Variants in RAD51B observed in about 807,000 individuals in gnomAD.
RAD51B encodes DNA repair protein RAD51 homolog 2.
Under a neutral mutation model 42.2 loss-of-function variants are expected in RAD51B, and 38 were observed. The ratio of observed to expected loss-of-function variants is 0.90; its 90% CI spans 0.70 to 1.18. RAD51B has a LOEUF of 1.18. Ranked by LOEUF, RAD51B falls within the 50% of genes most tolerant of loss-of-function variation. The pLI, the probability that RAD51B is intolerant of heterozygous loss-of-function variation, is 0.00. For missense variants in RAD51B, 373 were observed against 400.7 expected, an observed-to-expected ratio of 0.93 and a Z score of 0.59; for synonymous variants, 154 against 145.2, an observed-to-expected ratio of 1.06 and a Z score of -0.43.
intron 7 of RAD51B, among the ~76,000 whole-genome samples, chr14:68,094,562 G>A (rs1200426566): frequency 6.6e-6 from 1 of 152,166 alleles, no homozygotes; most frequent in African/African-American, 2.4e-5. Flanking sequence ...TCCAAAGACA[G>A]ATGCCAGACA....
intron 7 of RAD51B, among the ~76,000 whole-genome samples, chr14:68,102,117 C>T (rs919133151): frequency 1.3e-5 from 2 of 152,186 alleles, no homozygotes; most frequent in African/African-American, 4.8e-5. Context: ...ACACAGGGCA[C>T]CATGTCCCAA....
intron 3 of RAD51B, among the ~76,000 whole-genome samples, chr14:67,831,519 G>A (rs1225428538): frequency 6.6e-6 from 1 of 152,022 alleles, no homozygotes; most frequent in Non-Finnish European, 1.5e-5. Flanking sequence ...CTTTTCTGAA[G>A]TTTTGTTCTG....
chr14:68,302,897 C>A (rs969768781), intron 8 of RAD51B, among the ~76,000 whole-genome samples: 1 of 152,210 alleles, frequency 6.6e-6, no homozygotes, highest in Non-Finnish European at 1.5e-5. Flanking sequence ...TTCCCATAAA[C>A]CCACAACCTT....
chr14:68,396,853 T>C (rs900052377), intron 8 of RAD51B, among the ~76,000 whole-genome samples: 2 of 152,190 alleles, frequency 1.3e-5, no homozygotes, highest in African/African-American at 2.4e-5. Flanking sequence ...GTAGTTTCCA[T>C]GCATTTTCCC....
At chr14:68,543,159 G>C (rs1203193938) in intron 10 of RAD51B, among the ~76,000 whole-genome samples, 1 of 152,142 alleles carries the variant, frequency 6.6e-6, no homozygotes, top group Non-Finnish European at 1.5e-5. Context: ...AACAGCCATA[G>C]GCAATATGTA....
intron 4 of RAD51B, among the ~76,000 whole-genome samples, chr14:67,860,624 G>C (rs1950765): frequency 6.6e-6 from 1 of 151,994 alleles, no homozygotes; most frequent in African/African-American, 2.4e-5. Flanking sequence ...TAATGTGTTT[G>C]ACTTACTTTG....
rs77116881 is a variant in RAD51B, at chr14:67,831,369, G to A, written c.199-3711G>A. 7.6e-3 allele frequency among the ~76,000 whole-genome samples: 1,152 copies of A among 152,268 alleles called. 10 individuals are homozygous for A. Among genetic ancestry groups the A allele is most frequent in the African/African-American group, 0.024 (1,016 of 41,554 alleles). On this transcript the variant is annotated intron_variant, in intron 3 of 10. Coordinates refer to ENST00000471583, the MANE Select transcript of RAD51B (RefSeq NM_133510.4). ...ACAGTAAGACGATAAGTGTACTTAA[G>A]CCTGAAACCTGAGTGATGCCAACAG...
At chr14:68,587,571 G>A (rs56402431) in intron 10 of RAD51B, among the ~76,000 whole-genome samples, 4,701 of 151,990 alleles carry the variant, frequency 0.031, 240 homozygotes, top group African/African-American at 0.1. Flanking sequence ...GGAAATTCCC[G>A]TCAGCTTGTG....
At chr14:68,260,311 GTGT>G (rs2080857898) in intron 7 of RAD51B, among the ~76,000 whole-genome samples, 1 of 146,422 alleles carries the variant, frequency 6.8e-6, no homozygotes, top group African/African-American at 2.7e-5. Context: ...GTGTGTGTGT[GTGT>G]GTGTGGAGAG....
At chr14:67,919,525 T>C (rs1038429910) in intron 7 of RAD51B, among the ~76,000 whole-genome samples, 2 of 152,198 alleles carry the variant, frequency 1.3e-5, no homozygotes, top group Non-Finnish European at 2.9e-5. Context: ...TATATTTACC[T>C]TTCCACGGTT....
intron 7 of RAD51B, among the ~76,000 whole-genome samples, chr14:68,168,922 T>G (rs1379047054): frequency 6.6e-6 from 1 of 152,166 alleles, no homozygotes; most frequent in Non-Finnish European, 1.5e-5. Flanking sequence ...GCAGGTCATG[T>G]TCAGCGAGTA....
intron 5 of RAD51B, among the ~76,000 whole-genome samples, chr14:67,866,180 A>G (rs2042331495): frequency 6.6e-6 from 1 of 152,228 alleles, no homozygotes. Flanking sequence ...TGGAAGGGGA[A>G]CCTTTGGATT....
At chr14:68,376,182 A>G (rs2083365917) in intron 8 of RAD51B, among the ~76,000 whole-genome samples, 1 of 152,154 alleles carries the variant, frequency 6.6e-6, no homozygotes, top group Non-Finnish European at 1.5e-5. Context: ...TACTGCAAGT[A>G]TTTTTCTCTG....
intron 11 of RAD51B, among the ~76,000 whole-genome samples, chr14:68,674,124 CACAT>C (rs2140157884): frequency 6.6e-6 from 1 of 152,174 alleles, no homozygotes; most frequent in East Asian, 1.9e-4. Context: ...CATGCATACA[CACAT>C]ACACACACAT....
At chr14:68,391,535 G>T (rs1272363301) in intron 8 of RAD51B, among the ~76,000 whole-genome samples, 2 of 152,120 alleles carry the variant, frequency 1.3e-5, no homozygotes, top group Non-Finnish European at 2.9e-5. Flanking sequence ...CAGAAAGAAG[G>T]TTCCACAAGG....
intron 7 of RAD51B, among the ~76,000 whole-genome samples, chr14:68,270,670 C>G (rs2081087243): frequency 3.9e-5 from 6 of 152,206 alleles, no homozygotes; most frequent in Admixed American, 2.0e-4. Context: ...ACCCAGATTG[C>G]CTGGGAAACG....
chr14:68,426,164 G>A (rs2084844615), intron 9 of RAD51B, among the ~76,000 whole-genome samples: 2 of 151,678 alleles, frequency 1.3e-5, no homozygotes, highest in Admixed American at 6.6e-5. Context: ...CGCCTCCCAG[G>A]CTCAAGCAAT....
chr14:68,125,564 T>A (rs2077739366), intron 7 of RAD51B, among the ~76,000 whole-genome samples: 1 of 152,146 alleles, frequency 6.6e-6, no homozygotes. Context: ...ACTTCAATAT[T>A]TGTGAGCAGT....
intron 7 of RAD51B, among the ~76,000 whole-genome samples, chr14:68,167,066 C>G (rs2078768119): frequency 6.6e-6 from 1 of 152,124 alleles, no homozygotes; most frequent in African/African-American, 2.4e-5. Context: ...CCAGATTAAC[C>G]TTTACAAAAT....
Sources: gnomAD v4.1 joint callset for allele counts (sites outside exome capture counted in the v4.1 genomes callset) on GRCh38, gnomAD v4.1.1 for gene constraint, MANE v1.5 for transcripts, NCBI Gene and HGNC (gene_info 2026-07-23, HGNC 2026-07-21) for gene names.